MIA2: variants seen among roughly 807,000 people sequenced by gnomAD.
MIA2 encodes melanoma inhibitory activity protein 2.
In MIA2, 127 loss-of-function variants were observed where a neutral mutation model predicts 167.8. The ratio of observed to expected loss-of-function variants is 0.76; its 90% confidence interval spans 0.66 to 0.88. The LOEUF (loss-of-function observed/expected upper bound fraction) is 0.88. MIA2 is among the 40% of genes least tolerant of loss of function. The pLI is 0.00. For synonymous variants in MIA2, 552 were observed against 541.9 expected (o/e 1.02, Z -0.26); for missense variants, 1,690 against 1,624.7 (o/e 1.04, Z -0.69).
At chr14:39,301,467 A>G (rs956458528) in intron 14 of MIA2, among the ~76,000 whole-genome samples, 3 of 152,214 alleles carry the variant, frequency 2.0e-5, no homozygotes, top group Non-Finnish European at 4.4e-5. Flanking sequence ...AGCTCTGCTC[A>G]AAGGTATAGG....
At chr14:39,325,155 G>A (rs8022515) in intron 24 of MIA2, among the ~76,000 whole-genome samples, 28,528 of 151,658 alleles carry the variant, frequency 0.19, 2,719 homozygotes, top group Middle Eastern at 0.29. Flanking sequence ...CCTAGGAGGC[G>A]GAGGTTGCAG....
At chr14:39,324,005 A>ATGTTG (rs1196425926) in intron 24 of MIA2, among the ~76,000 whole-genome samples, 2 of 152,194 alleles carry the variant, frequency 1.3e-5, no homozygotes, top group African/African-American at 4.8e-5. Flanking sequence ...AGTACCTGTT[A>ATGTTG]TTTTTCCTTA....
chr14:39,265,237 G>T, intron 6 of MIA2: 1 of 637,168 alleles, frequency 1.6e-6, no homozygotes. Context: ...AACTCCACCT[G>T]TAGCACCCCT....
At chr14:39,250,868 A>C (rs1038598346) in intron 4 of MIA2, among the ~76,000 whole-genome samples, 3 of 151,888 alleles carry the variant, frequency 2.0e-5, no homozygotes. Flanking sequence ...AATTATTTTA[A>C]ATTTCAGAAA....
rs1258891022 is a variant in MIA2 at position 39,233,962 on chromosome 14, A to G, written c.-153A>G. The G allele has an allele frequency of 4.0e-6, 2 of 501,414 alleles. No homozygotes were observed. Among genetic ancestry groups the G allele is most frequent in the Non-Finnish European group, 3.5e-6 (1 of 282,738 alleles). The allele number at this position is 501,414 out of a possible 1,614,324, so 31.1% of individuals were successfully genotyped here. Reference sequence around the variant, plus strand: ...TCAAGTTAAACCAACAAGCCGATAGAAAAAGGTAGTTATCAAGAGATTTTT... The same window carrying G: ...TCAAGTTAAACCAACAAGCCGATAGGAAAAGGTAGTTATCAAGAGATTTTT... On this transcript the variant is annotated 5_prime_UTR_variant, in exon 1 of 29. Coordinates refer to ENST00000640607, the MANE Select transcript of MIA2 (RefSeq NM_001329214.4).
chr14:39,339,727 A>G (rs916525875), intron 25 of MIA2, among the ~76,000 whole-genome samples: 12 of 152,240 alleles, frequency 7.9e-5, no homozygotes, highest in African/African-American at 2.9e-4. Context: ...TATACTGTCC[A>G]GTACAGTAGC....
chr14:39,370,836 C>T (rs1046134751), intron 23 of MIA2: 1 of 152,894 alleles, frequency 6.5e-6, no homozygotes, highest in African/African-American at 2.4e-5. Flanking sequence ...TTGCTTTGAT[C>T]TTACAGTCTT....
At chr14:39,322,616 G>T (rs1196143840) in intron 24 of MIA2, among the ~76,000 whole-genome samples, 2 of 128,168 alleles carry the variant, frequency 1.6e-5, no homozygotes, top group African/African-American at 5.0e-5. Flanking sequence ...AGGTACCTCA[G>T]GCCTAATCAT....
intron 1 of MIA2, among the ~76,000 whole-genome samples, chr14:39,235,372 A>G (rs2053688114): frequency 2.6e-5 from 4 of 152,364 alleles, no homozygotes; most frequent in South Asian, 4.1e-4. Context: ...GAAAAATGTT[A>G]TTAGTATAAA....
At chr14:39,287,318 G>A (rs1478988256) in intron 9 of MIA2, among the ~76,000 whole-genome samples, 3 of 151,868 alleles carry the variant, frequency 2.0e-5, no homozygotes, top group East Asian at 1.9e-4. Flanking sequence ...CAAGTGATCC[G>A]CTTATCTCAG....
At chr14:39,298,444 A>AT (rs2061804186) in intron 13 of MIA2, among the ~76,000 whole-genome samples, 1 of 15,834 alleles carries the variant, frequency 6.3e-5, no homozygotes, top group Non-Finnish European at 1.3e-4. Flanking sequence ...TATATATATA[A>AT]AGATTAGTTT....
chr14:39,240,633 C>G lies in MIA2; in HGVS notation c.322C>G (p.Gln108Glu). ...IEEVFISEEIQMSTKESDFLC... is the reference protein window; with the variant it reads ...IEEVFISEEIEMSTKESDFLC... ...AGAGGTGTTCATATCTGAGGAAATT[C>G]AGATGTCAACGAAAGTGAGTAAACT... Residue 108 changes from glutamine to glutamate, a missense_variant, in exon 3 of 29, where the codon CAG becomes GAG. Coordinates refer to ENST00000640607, the MANE Select transcript of MIA2 (RefSeq NM_001329214.4). The G allele has an allele frequency of 6.2e-7, 1 of 1,611,042 alleles. No homozygotes were observed. Among genetic ancestry groups the G allele is most frequent in the South Asian group, 1.1e-5 (1 of 90,776 alleles).
chr14:39,296,883 C>T (rs1449139610), intron 13 of MIA2, among the ~76,000 whole-genome samples: 2 of 151,712 alleles, frequency 1.3e-5, no homozygotes, highest in Non-Finnish European at 2.9e-5. Context: ...TCAAGTGATT[C>T]TCGTGCCTCA....
intron 25 of MIA2, 38 bp from the exon 26 acceptor site, chr14:39,345,866 T>C: frequency 6.4e-7 from 1 of 1,561,048 alleles, no homozygotes; most frequent in Non-Finnish European, 8.7e-7. Flanking sequence ...TGATTTATAT[T>C]TACATTAATG....
intron 6 of MIA2, among the ~76,000 whole-genome samples, chr14:39,263,618 C>CCT (rs200385683): frequency 0.04 from 5,687 of 143,370 alleles, 169 homozygotes; most frequent in Non-Finnish European, 0.062. Context: ...TTCCTTCCTT[C>CCT]CTCTCTCTCT....
chr14:39,343,040 A>G (rs1047349467), intron 25 of MIA2, among the ~76,000 whole-genome samples: 1 of 152,178 alleles, frequency 6.6e-6, no homozygotes. Context: ...TCTCACCATT[A>G]CTAACAGTGC....
intron 23 of MIA2, among the ~76,000 whole-genome samples, chr14:39,319,793 A>AT (rs943036804): frequency 6.6e-6 from 1 of 151,792 alleles, no homozygotes; most frequent in African/African-American, 2.4e-5. Context: ...GGGAGGACCA[A>AT]TTTTTTTTGT....
At chr14:39,305,200 A>G (rs2063141625) in intron 17 of MIA2, among the ~76,000 whole-genome samples, 1 of 152,232 alleles carries the variant, frequency 6.6e-6, no homozygotes, top group African/African-American at 2.4e-5. Context: ...CCCTACTCAC[A>G]TGATTATAGT....
At chr14:39,341,188 G>C (rs1009677411) in intron 25 of MIA2, among the ~76,000 whole-genome samples, 1 of 152,100 alleles carries the variant, frequency 6.6e-6, no homozygotes, top group Non-Finnish European at 1.5e-5. Flanking sequence ...TGTAGTCCCA[G>C]CTGCTCGGGA....
Sources: allele counts gnomAD v4.1 joint callset (sites outside exome capture counted in the v4.1 genomes callset), GRCh38; gene constraint gnomAD v4.1.1; transcripts MANE v1.5; gene names NCBI Gene and HGNC (gene_info 2026-07-23, HGNC 2026-07-21).